Variants in PLA2G4A observed in about 807,000 individuals in gnomAD.
The protein encoded by PLA2G4A is cytosolic phospholipase A2.
A neutral mutation model predicts 81.9 loss-of-function variants in PLA2G4A; 40 were observed. The ratio of observed to expected loss-of-function variants is 0.49; its 90% CI spans 0.38 to 0.64. The LOEUF is 0.64. Among genes scored for constraint, PLA2G4A ranks in the 30% least tolerant of loss-of-function variants. The probability of loss-of-function intolerance (pLI) is 0.00; values close to 1 mark genes in which losing one functional copy is unlikely to be tolerated. For synonymous variants in PLA2G4A, 302 were observed against 296.9 expected, an observed-to-expected ratio of 1.02 and a Z score of -0.18; for missense variants, 715 against 905.1, an observed-to-expected ratio of 0.79 and a Z score of 2.69.
At chr1:186,900,582 C>T (rs1452351237) in intron 5 of PLA2G4A, among the ~76,000 whole-genome samples, 1 of 152,178 alleles carries the variant, frequency 6.6e-6, no homozygotes, top group Non-Finnish European at 1.5e-5. Context: ...GCCAGTCACT[C>T]ATGACTGAAT....
chr1:186,949,354 AAG>A (rs1656458114), intron 12 of PLA2G4A, among the ~76,000 whole-genome samples: 4 of 141,198 alleles, frequency 2.8e-5, no homozygotes, highest in African/African-American at 1.1e-4. Flanking sequence ...AAGAGAAAGA[AAG>A]AAAGAGAAAG....
At chr1:186,868,515 G>A (rs1207695177) in intron 2 of PLA2G4A, among the ~76,000 whole-genome samples, 1 of 152,166 alleles carries the variant, frequency 6.6e-6, no homozygotes, top group Non-Finnish European at 1.5e-5. Flanking sequence ...TTGGAATTAG[G>A]GTAATGGTGG....
chr1:186,888,014 A>C (rs1216273590), intron 3 of PLA2G4A, among the ~76,000 whole-genome samples: 1 of 152,208 alleles, frequency 6.6e-6, no homozygotes. Context: ...CAGTTTTGGT[A>C]GTTTTCCACT....
chr1:186,861,023 G>A (rs964681001), intron 2 of PLA2G4A, among the ~76,000 whole-genome samples: 1 of 152,134 alleles, frequency 6.6e-6, no homozygotes, highest in South Asian at 2.1e-4. Context: ...GACATGACTC[G>A]TTATATTCCC....
At chr1:186,830,974 CTTTCTTTCTTTCTT>C (rs776220676) in intron 1 of PLA2G4A, among the ~76,000 whole-genome samples, 4,379 of 137,142 alleles carry the variant, frequency 0.032, 111 homozygotes, top group Non-Finnish European at 0.047. Context: ...TTCTTTCTTT[CTTTCTTTCTTTCTT>C]TCTTTCTTTC....
chr1:186,969,563 C>T (rs1241229541), intron 15 of PLA2G4A, among the ~76,000 whole-genome samples: 1 of 151,872 alleles, frequency 6.6e-6, no homozygotes, highest in Non-Finnish European at 1.5e-5. Context: ...CCCCTTTCCA[C>T]TAGCCTTCCC....
In PLA2G4A at chr1:186,856,927, T is replaced by C. The variant is rs1652573961; in HGVS notation, c.33+2540T>C. On this transcript the variant is annotated intron_variant, in intron 2 of 17. Coordinates refer to ENST00000367466, the MANE Select transcript of PLA2G4A (RefSeq NM_024420.3). ...TATAATAGTACATGATTCAAGGAAA[T>C]GAAAGAAGTTCAGTATGGTTGGAAC... Among the ~76,000 whole-genome samples, 3 of 149,226 alleles carry C rather than the reference T, an allele frequency of 2.0e-5. No homozygotes were observed. In the South Asian group the frequency reaches 6.3e-4, roughly 31 times the overall value.
At chr1:186,960,030 A>C (rs567081729) in intron 14 of PLA2G4A, among the ~76,000 whole-genome samples, 1 of 152,270 alleles carries the variant, frequency 6.6e-6, no homozygotes, top group South Asian at 2.1e-4. Flanking sequence ...TCAACCTAAA[A>C]TCAGTAAAAG....
chr1:186,894,810 C>A (rs1654276837), intron 5 of PLA2G4A, among the ~76,000 whole-genome samples: 1 of 152,090 alleles, frequency 6.6e-6, no homozygotes, highest in African/African-American at 2.4e-5. Flanking sequence ...ATAATGAAAC[C>A]TTAGGTAAAT....
At chr1:186,889,125 C>T (rs2102101191) in intron 3 of PLA2G4A, among the ~76,000 whole-genome samples, 1 of 152,284 alleles carries the variant, frequency 6.6e-6, no homozygotes, top group South Asian at 2.1e-4. Flanking sequence ...GACATGTTCT[C>T]TTCTTCTTTG....
At chr1:186,935,320 T>C (rs1655901861) in intron 8 of PLA2G4A, among the ~76,000 whole-genome samples, 1 of 151,552 alleles carries the variant, frequency 6.6e-6, no homozygotes, top group South Asian at 2.1e-4. Flanking sequence ...ATAAAAGCCA[T>C]CTATTATTTC....
chr1:186,854,269 G>T lies in PLA2G4A; in HGVS notation c.-69-17G>T. On this transcript the variant is annotated splice_polypyrimidine_tract_variant and intron_variant, in intron 1 of 17. Transcript: ENST00000367466. ...ATCCAAGAGGAAGCTTAACAATAGTGATTGTTTATTTTGTAGGTTTTAAAG... is the reference window on the plus strand; with the variant it reads ...ATCCAAGAGGAAGCTTAACAATAGTTATTGTTTATTTTGTAGGTTTTAAAG... The T allele has an allele frequency of 1.2e-6, 1 of 810,230 alleles. No individual in the cohort carries two copies. Among genetic ancestry groups the T allele is most frequent in the Non-Finnish European group, 2.2e-6 (1 of 454,394 alleles). 50.2% of individuals were successfully genotyped at this position (810,230 alleles called of 1,614,324 possible).
In PLA2G4A at chr1:186,865,843, T is replaced by C. The variant is rs75713726; in HGVS notation, c.34-4592T>C. 7.0e-4 allele frequency among the ~76,000 whole-genome samples: 106 copies of C among 152,340 alleles called. No individual in the cohort carries two copies. The East Asian group carries it at 0.011, about 16-fold the overall frequency. On this transcript the variant is annotated intron_variant, in intron 2 of 17. Transcript: ENST00000367466. ...ATATACTTATCCAGAATGAATTTAA[T>C]ACAGTAGCTGTTTTCCTACTGAATA...
intron 7 of PLA2G4A, among the ~76,000 whole-genome samples, chr1:186,912,776 AT>A (rs949515967): frequency 7.3e-6 from 1 of 137,786 alleles, no homozygotes; most frequent in African/African-American, 2.9e-5. Context: ...GTATATATAT[AT>A]GTATACTTAT....
chr1:186,970,561 T>A (rs1460297122), intron 15 of PLA2G4A, among the ~76,000 whole-genome samples: 1 of 152,064 alleles, frequency 6.6e-6, no homozygotes, highest in Admixed American at 6.6e-5. Context: ...TACTCTTTAA[T>A]TGATTTTGAT....
At chr1:186,951,485 A>G (rs1411685798) in intron 13 of PLA2G4A, among the ~76,000 whole-genome samples, 1 of 152,000 alleles carries the variant, frequency 6.6e-6, no homozygotes, top group Non-Finnish European at 1.5e-5. Context: ...AACAAAAACA[A>G]CAACAACAAA....
At chr1:186,940,735 A>G (rs1408822472) in intron 10 of PLA2G4A, among the ~76,000 whole-genome samples, 1 of 152,166 alleles carries the variant, frequency 6.6e-6, no homozygotes, top group East Asian at 1.9e-4. Flanking sequence ...AGTACATGTC[A>G]ACAACGTTAC....
In PLA2G4A at chr1:186,897,656, G is replaced by A. The variant is rs184491881; in HGVS notation, c.378+3445G>A. Among the ~76,000 whole-genome samples the A allele has an allele frequency of 2.9e-3, 446 of 152,064 alleles. 1 individual carries two copies. The highest frequency in any genetic ancestry group is 9.6e-3 in the African/African-American group (399 of 41,464). On this transcript the variant is annotated intron_variant, in intron 5 of 17. Transcript: ENST00000367466. The stretch of plus-strand genomic sequence containing the variant: ...CCCAAGTAGCTGAGATTACAGGCAC[G>A]TGCCATCATGCCTGGCCAATTTTTG...
intron 7 of PLA2G4A, among the ~76,000 whole-genome samples, chr1:186,922,818 A>G (rs1279162318): frequency 1.3e-5 from 2 of 152,196 alleles, no homozygotes; most frequent in Non-Finnish European, 2.9e-5. Flanking sequence ...TTAAGGGCTC[A>G]CAACTCTAAG....
Sources: gnomAD v4.1 joint callset for allele counts (sites outside exome capture counted in the v4.1 genomes callset) on GRCh38, gnomAD v4.1.1 for gene constraint, MANE v1.5 for transcripts, NCBI Gene and HGNC (gene_info 2026-07-23, HGNC 2026-07-21) for gene names.